Variants in AFF1 observed in about 807,000 individuals in gnomAD.
The protein encoded by AFF1 is ALF transcription elongation factor 1, also known as AF4/FMR2 family member 1.
Under a neutral mutation model 121.7 loss-of-function variants are expected in AFF1, and 48 were observed. That is an observed-to-expected ratio of 0.39 (90% CI 0.31 to 0.50). AFF1 has a LOEUF of 0.50. Ranked by LOEUF, AFF1 falls within the 20% of genes least tolerant of loss-of-function variation. The pLI is 0.76. For synonymous variants in AFF1, 613 were observed against 563.0 expected (o/e 1.09, Z -1.26); for missense variants, 1,523 against 1,511.7 (o/e 1.01, Z -0.12).
intron 2 of AFF1, among the ~76,000 whole-genome samples, chr4:86,977,372 C>T (rs1723381013): frequency 6.6e-6 from 1 of 152,104 alleles, no homozygotes; most frequent in African/African-American, 2.4e-5. Flanking sequence ...CAATTTAAAA[C>T]TTATGAATTG....
intron 4 of AFF1, among the ~76,000 whole-genome samples, chr4:87,067,952 C>A (rs928727589): frequency 6.6e-6 from 1 of 152,110 alleles, no homozygotes; most frequent in African/African-American, 2.4e-5. Flanking sequence ...GGGTAGTATT[C>A]TAGTTCTACA....
At chr4:86,952,598 TGTTCTGCAC>T (rs1721429128) in intron 2 of AFF1, among the ~76,000 whole-genome samples, 1 of 152,024 alleles carries the variant, frequency 6.6e-6, no homozygotes, top group Non-Finnish European at 1.5e-5. Context: ...CAAACCTGCA[TGTTCTGCAC>T]GTGTGTTTAA....
chr4:87,021,724 C>G (rs1727916227), intron 2 of AFF1, among the ~76,000 whole-genome samples: 2 of 152,110 alleles, frequency 1.3e-5, no homozygotes, highest in Admixed American at 1.3e-4. Context: ...TTTTTGTTCC[C>G]TTTCAATCTT....
At chr4:87,004,671 A>G (rs1725959989) in intron 2 of AFF1, among the ~76,000 whole-genome samples, 1 of 152,192 alleles carries the variant, frequency 6.6e-6, no homozygotes, top group Non-Finnish European at 1.5e-5. Flanking sequence ...GCGTCATGTC[A>G]GTACTCAAAA....
intron 2 of AFF1, among the ~76,000 whole-genome samples, chr4:86,985,773 T>A (rs1057036173): frequency 3.9e-5 from 6 of 151,922 alleles, no homozygotes; most frequent in African/African-American, 1.2e-4. Context: ...ATTAAAAAAA[T>A]AATAATAAAA....
intron 15 of AFF1, 49 bp downstream of exon 15, chr4:87,127,166 T>TCC (rs367995603): frequency 0.058 from 61,269 of 1,063,802 alleles, 3,568 homozygotes; most frequent in East Asian, 0.076. Context: ...TTGTTTTGCT[T>TCC]CCCCCCCCCA....
chr4:87,021,067 G>C (rs1468364487), intron 2 of AFF1, among the ~76,000 whole-genome samples: 1 of 152,176 alleles, frequency 6.6e-6, no homozygotes. Context: ...CTTTGTATGC[G>C]TTTTAATATA....
intron 2 of AFF1, among the ~76,000 whole-genome samples, chr4:86,982,034 AC>A (rs1189583298): frequency 5.3e-5 from 8 of 152,230 alleles, no homozygotes; most frequent in Non-Finnish European, 1.2e-4. Context: ...AAGTGACAGC[AC>A]TGAAGTGAGA....
At chr4:87,013,013 A>G (rs1215140143) in intron 2 of AFF1, among the ~76,000 whole-genome samples, 2 of 138,032 alleles carry the variant, frequency 1.4e-5, no homozygotes, top group South Asian at 2.3e-4. Flanking sequence ...ATTTAACCAG[A>G]TTGAACTGCT....
intron 2 of AFF1, among the ~76,000 whole-genome samples, chr4:87,037,828 T>G (rs927530439): frequency 1.3e-5 from 2 of 152,112 alleles, no homozygotes; most frequent in African/African-American, 4.8e-5. Flanking sequence ...TCTTACTGGC[T>G]CTGAGTCCTG....
rs891595584 is a variant in AFF1, at chr4:87,138,897, T to C, written c.*3196T>C. 3.9e-5 allele frequency: 9 copies of C among 228,534 alleles called. No homozygotes were observed. The South Asian group carries it at 5.5e-4, about 14-fold the overall frequency. The allele number at this position is 228,534 out of a possible 1,614,324, so 14.2% of individuals were successfully genotyped here. On this transcript the variant is annotated 3_prime_UTR_variant, in exon 21 of 21. Coordinates refer to ENST00000395146, the MANE Select transcript of AFF1 (RefSeq NM_001166693.3). ...CCTTACACAGATTGGACCGCACTTA[T>C]CTCCCTTGTCCTGTATCCTTTAATT... is the stretch of plus-strand genomic sequence containing the variant.
intron 2 of AFF1, among the ~76,000 whole-genome samples, chr4:86,964,873 C>T (rs931308000): frequency 1.3e-5 from 2 of 152,234 alleles, no homozygotes; most frequent in Non-Finnish European, 1.5e-5. Flanking sequence ...TTTCCTCCAT[C>T]TCATATATCC....
At chr4:87,044,898 TG>T (rs1730516318) in intron 2 of AFF1, among the ~76,000 whole-genome samples, 1 of 152,102 alleles carries the variant, frequency 6.6e-6, no homozygotes, top group East Asian at 1.9e-4. Context: ...CGTCAGATTA[TG>T]GGGGAATTTT....
intron 4 of AFF1, among the ~76,000 whole-genome samples, chr4:87,074,302 C>T (rs1722435565): frequency 2.0e-5 from 3 of 151,460 alleles, no homozygotes; most frequent in Admixed American, 2.0e-4. Context: ...TTTGTGATGC[C>T]TTTAAAAAAA....
rs1214183182 is a variant in AFF1 at position 87,132,227 on chromosome 4, A to G, written c.3174-44A>G. The G allele has an allele frequency of 2.5e-6, 4 of 1,589,300 alleles. No homozygotes were observed. In the Admixed American group the frequency reaches 5.4e-5, roughly 21 times the overall value. ...AAAGGTTAGATGGCTGCTTTTCTGT[A>G]GTATGATAGTCACGTGCAGTTTCAC... is the stretch of plus-strand genomic sequence containing the variant. On this transcript the variant is annotated intron_variant, in intron 18 of 20. Transcript: ENST00000395146.
intron 2 of AFF1, among the ~76,000 whole-genome samples, chr4:87,039,906 A>G (rs1729951444): frequency 6.6e-6 from 1 of 151,878 alleles, no homozygotes; most frequent in Admixed American, 6.6e-5. Context: ...ATATTTATTT[A>G]TTTATTTATT....
At chr4:87,088,133 T>G (rs1723920348) in intron 5 of AFF1, among the ~76,000 whole-genome samples, 1 of 151,306 alleles carries the variant, frequency 6.6e-6, no homozygotes, top group Admixed American at 6.6e-5. Flanking sequence ...TCAGATGACT[T>G]ACTTAGGCTG....
rs924637268 is a variant in AFF1 at position 86,984,969 on chromosome 4, T to C, written c.38+36398T>C. On this transcript the variant is annotated intron_variant, in intron 2 of 20. Coordinates refer to ENST00000395146, the MANE Select transcript of AFF1 (RefSeq NM_001166693.3). ...AATCTTAAAGTGTTCTCAGCAAACA[T>C]GTTTAGTAATGGTATTGGTATTATT... Among the ~76,000 whole-genome samples the C allele has an allele frequency of 5.3e-5, 8 of 151,442 alleles. 1 individual carries two copies. Among genetic ancestry groups the C allele is most frequent in the African/African-American group, 1.5e-4 (6 of 41,186 alleles).
Position 87,108,224 on chromosome 4 carries a change from C to G in AFF1, c.1442C>G (p.Thr481Ser), listed in dbSNP as rs141720905. Residue 481 changes from threonine (T) to serine (S), a missense_variant, in exon 11 of 21, where the codon ACC becomes AGC. Physicochemically the swap from Thr to Ser is moderately conservative, Grantham distance 58. Around this residue, in one of 5 missense-constraint regions of AFF1, gnomAD observed 905 missense variants for 842.5 expected, o/e 1.07. Coordinates refer to ENST00000395146, the MANE Select transcript of AFF1 (RefSeq NM_001166693.3). ...AHSSSAESES[T>S]SDSDSSSDSE... ...TCCAGCAGTGCAGAGTCAGAAAGCA[C>G]CAGTGACTCAGACAGTTCCTCAGAC... 2.0e-5 allele frequency: 33 copies of G among 1,614,016 alleles called. No individual in the cohort carries two copies. Among genetic ancestry groups the G allele is most frequent in the Non-Finnish European group, 2.7e-5 (32 of 1,180,020 alleles).
Sources: gnomAD v4.1 joint callset for allele counts (sites outside exome capture counted in the v4.1 genomes callset) on GRCh38, gnomAD v4.1.1 for gene constraint, gnomAD v4.1.1 regional missense constraint, MANE v1.5 for transcripts, NCBI Gene and HGNC (gene_info 2026-07-23, HGNC 2026-07-21) for gene names.